The following SGSM1 variants were observed in gnomAD, a reference collection of about 807,000 sequenced individuals.
The protein encoded by SGSM1 is RUN and TBC1 domain containing 2.
In SGSM1, 73 loss-of-function variants were observed where a neutral mutation model predicts 133.8. That is an observed-to-expected ratio of 0.55 (90% CI 0.45 to 0.66). The LOEUF (loss-of-function observed/expected upper bound fraction) is 0.66. SGSM1 is among the 30% of genes least tolerant of loss of function. The pLI is 0.00. For missense variants in SGSM1, 1,213 were observed against 1,448.1 expected (o/e 0.84, Z 2.64); for synonymous variants, 563 against 573.0 (o/e 0.98, Z 0.25).
At position 24,807,888 on chromosome 22, in the gene SGSM1, C is replaced by CGTGTGTGTGTGTGT. The variant is rs71189301; in HGVS notation, c.63+1415_63+1428dup. On this transcript the variant is annotated intron_variant, in intron 2 of 24. Transcript: ENST00000400358. ...CTCCGGGAGCATGAGTATGTGCCTGCGTGTGTGTGTGTGTGTGTGTGTGTC... is the reference window on the plus strand; with the variant it reads ...CTCCGGGAGCATGAGTATGTGCCTGCGTGTGTGTGTGTGTGTGTGTGTGTGTGTGTGTGTGTGTC... 3.1e-3 allele frequency among the ~76,000 whole-genome samples: 451 copies of CGTGTGTGTGTGTGT among 147,754 alleles called. 2 individuals carry two copies. Among genetic ancestry groups the CGTGTGTGTGTGTGT allele is most frequent in the African/African-American group, 6.7e-3 (270 of 40,176 alleles).
At chr22:24,806,506 C>G in intron 2 of SGSM1, 22 bp downstream of exon 2, 1 of 1,494,696 alleles carries the variant, frequency 6.7e-7, no homozygotes, top group Non-Finnish European at 8.9e-7. Context: ...GGTGGGGGCA[C>G]TGGGCAGGAC....
intron 16 of SGSM1, among the ~76,000 whole-genome samples, chr22:24,889,353 G>A (rs371899797): frequency 6.6e-6 from 1 of 151,682 alleles, no homozygotes; most frequent in African/African-American, 2.4e-5. Context: ...AACTTCCAAC[G>A]GTTGGTCTTA....
intron 21 of SGSM1, among the ~76,000 whole-genome samples, chr22:24,911,172 G>A (rs1331285844): frequency 6.6e-6 from 1 of 152,020 alleles, no homozygotes; most frequent in African/African-American, 2.4e-5. Flanking sequence ...CCAAGGTCGA[G>A]GCTGCAGTGA....
chr22:24,879,106 C>T (rs898531933), intron 13 of SGSM1, among the ~76,000 whole-genome samples: 3 of 152,322 alleles, frequency 2.0e-5, no homozygotes, highest in African/African-American at 7.2e-5. Flanking sequence ...TGTCTGTTAC[C>T]TAGTAATTCC....
intron 2 of SGSM1, among the ~76,000 whole-genome samples, chr22:24,832,055 C>T (rs713678): frequency 0.39 from 59,708 of 152,096 alleles, 12,346 homozygotes; most frequent in African/African-American, 0.51. Context: ...TGGCTCAGCC[C>T]GTGGCTGTCT....
rs1474482966 is a variant in SGSM1, at chr22:24,859,724, C to T, written c.810C>T (p.Asp270=). The change falls in exon 9 of 25, where the codon GAC becomes GAT. Residue 270 remains aspartate, a synonymous_variant. Transcript: ENST00000400358. The part of the protein sequence containing the change: ...KNNVLVQPRD[D]MEAVPGYLSL... The stretch of plus-strand genomic sequence containing the variant: ...TCCTCCTCTCTCTGCAGAGGGACGA[C>T]ATGGAGGCTGTGCCAGGGTACCTGT... 2 of 1,613,768 alleles carry T rather than the reference C, an allele frequency of 1.2e-6. No individual in the cohort carries two copies. Among genetic ancestry groups the T allele is most frequent in the Non-Finnish European group, 1.7e-6 (2 of 1,179,876 alleles).
intron 10 of SGSM1, among the ~76,000 whole-genome samples, chr22:24,867,631 A>G (rs1931530477): frequency 6.6e-6 from 1 of 152,208 alleles, no homozygotes; most frequent in Non-Finnish European, 1.5e-5. Flanking sequence ...TTGTGACTCT[A>G]AAGTCAGTGC....
intron 12 of SGSM1, among the ~76,000 whole-genome samples, chr22:24,875,583 T>C (rs962393854): frequency 9.4e-5 from 14 of 148,460 alleles, no homozygotes; most frequent in African/African-American, 3.2e-4. Context: ...GAGCTTGCAG[T>C]GAGCCAAGAC....
chr22:24,816,766 C>T (rs1402043783), intron 2 of SGSM1, among the ~76,000 whole-genome samples: 1 of 152,184 alleles, frequency 6.6e-6, no homozygotes, highest in Non-Finnish European at 1.5e-5. Context: ...CTGTCTCTTG[C>T]CATCTCTCTG....
At chr22:24,861,084 G>C (rs951067279) in intron 9 of SGSM1, among the ~76,000 whole-genome samples, 1 of 150,854 alleles carries the variant, frequency 6.6e-6, no homozygotes, top group African/African-American at 2.4e-5. Context: ...GCTGGGCGCG[G>C]TGGCTCATGC....
At chr22:24,840,899 G>C (rs185526834) in intron 2 of SGSM1, among the ~76,000 whole-genome samples, 2 of 152,064 alleles carry the variant, frequency 1.3e-5, no homozygotes, top group African/African-American at 2.4e-5. Context: ...CACCCAGGCC[G>C]GACTGCAGTG....
At chr22:24,896,487 G>C (rs550271194) in intron 18 of SGSM1, among the ~76,000 whole-genome samples, 1 of 152,102 alleles carries the variant, frequency 6.6e-6, no homozygotes, top group Admixed American at 6.5e-5. Flanking sequence ...AGAACACAAA[G>C]AGTCACAAAA....
At chr22:24,872,591 C>G (rs2147880058) in intron 12 of SGSM1, among the ~76,000 whole-genome samples, 1 of 152,250 alleles carries the variant, frequency 6.6e-6, no homozygotes, top group East Asian at 1.9e-4. Context: ...ATTGATTTCA[C>G]CTGTTCTTTT....
At position 24,924,371 on chromosome 22, in the gene SGSM1, C is replaced by G; in HGVS notation, c.*97C>G. The G allele has an allele frequency of 9.7e-7, 1 of 1,030,290 alleles. No homozygotes were observed. Among genetic ancestry groups the G allele is most frequent in the Non-Finnish European group, 1.5e-6 (1 of 672,204 alleles). 63.8% of individuals were successfully genotyped at this position (1,030,290 alleles called of 1,614,324 possible). ...TGGATGGGCACCCCGGGAGCGGGGT[C>G]CTGGTGTCTGTTCACAAGCGTGGAG... On this transcript the variant is annotated 3_prime_UTR_variant, in exon 25 of 25. Transcript: ENST00000400358.
intron 2 of SGSM1, among the ~76,000 whole-genome samples, chr22:24,833,400 C>T (rs1172627107): frequency 6.6e-6 from 1 of 151,910 alleles, no homozygotes; most frequent in Non-Finnish European, 1.5e-5. Flanking sequence ...TGGCTCACAC[C>T]TGTAATCCCA....
At chr22:24,830,726 C>T (rs996922765) in intron 2 of SGSM1, among the ~76,000 whole-genome samples, 49 of 59,352 alleles carry the variant, frequency 8.3e-4, no homozygotes, top group African/African-American at 2.6e-3. Flanking sequence ...CTCTAATGAA[C>T]TTTGAGCGTG....
chr22:24,826,745 T>C (rs1311468723), intron 2 of SGSM1, among the ~76,000 whole-genome samples: 4 of 152,190 alleles, frequency 2.6e-5, no homozygotes, highest in South Asian at 4.2e-4. Flanking sequence ...GGGGGAGATA[T>C]TGGAGCTGAC....
At chr22:24,848,010 A>T (rs1842858310) in intron 4 of SGSM1, among the ~76,000 whole-genome samples, 1 of 151,488 alleles carries the variant, frequency 6.6e-6, no homozygotes, top group South Asian at 2.1e-4. Flanking sequence ...CTTTCTTGTC[A>T]TCATTCAGAC....
chr22:24,913,578 T>C (rs989862983), intron 22 of SGSM1, among the ~76,000 whole-genome samples: 1 of 152,248 alleles, frequency 6.6e-6, no homozygotes, highest in African/African-American at 2.4e-5. Flanking sequence ...TGCTTTATTA[T>C]CTACACACTA....
Sources: gnomAD v4.1 joint callset for allele counts (sites outside exome capture counted in the v4.1 genomes callset) on GRCh38, gnomAD v4.1.1 for gene constraint, MANE v1.5 for transcripts, NCBI Gene and HGNC (gene_info 2026-07-23, HGNC 2026-07-21) for gene names.